Variants in THRAP3 observed in about 807,000 individuals in gnomAD.
The protein encoded by THRAP3 is thyroid hormone receptor associated protein 3.
In THRAP3, 16 loss-of-function variants were observed where a neutral mutation model predicts 101.0. That is an observed-to-expected ratio of 0.16 (90% confidence interval 0.11 to 0.24). The LOEUF is 0.24. Among genes scored for constraint, THRAP3 ranks in the 10% least tolerant of loss-of-function variants. THRAP3 has a pLI of 1.00. For synonymous variants in THRAP3, 407 were observed against 422.6 expected, an observed-to-expected ratio of 0.96 and a Z score of 0.45; for missense variants, 989 against 1,202.7, an observed-to-expected ratio of 0.82 and a Z score of 2.63.
intron 8 of THRAP3, among the ~76,000 whole-genome samples, chr1:36,296,221 GC>G (rs900736320): frequency 6.6e-6 from 1 of 152,026 alleles, no homozygotes; most frequent in Non-Finnish European, 1.5e-5. Context: ...TGATCCGCCT[GC>G]CTCGGCCTCC....
chr1:36,240,287 C>T (rs1358390542), intron 1 of THRAP3, among the ~76,000 whole-genome samples: 1 of 152,158 alleles, frequency 6.6e-6, no homozygotes, highest in African/African-American at 2.4e-5. Flanking sequence ...GCCAACAGTG[C>T]AGCCCTTAGT....
intron 1 of THRAP3, among the ~76,000 whole-genome samples, chr1:36,226,259 A>T (rs965414824): frequency 6.6e-6 from 1 of 152,028 alleles, no homozygotes; most frequent in Non-Finnish European, 1.5e-5. Flanking sequence ...CATACGATTT[A>T]TTATTATTAT....
upstream of THRAP3, among the ~76,000 whole-genome samples, chr1:36,223,448 G>A (rs1644919829): frequency 6.6e-6 from 1 of 152,182 alleles, no homozygotes; most frequent in Admixed American, 6.5e-5. Context: ...GTCGGGGAAG[G>A]CCCCGATACT....
At chr1:36,213,128 G>A in the THRAP3 span, among the ~76,000 whole-genome samples, 1 of 152,180 alleles carries the variant, frequency 6.6e-6, no homozygotes, top group Admixed American at 6.5e-5. Context: ...GGCCTTGGAA[G>A]GTGATGGTGA....
At chr1:36,297,553 A>G (rs1180382830) in intron 9 of THRAP3, among the ~76,000 whole-genome samples, 1 of 151,138 alleles carries the variant, frequency 6.6e-6, no homozygotes, top group African/African-American at 2.4e-5. Flanking sequence ...GGTTCAAGCA[A>G]TTCTCCTGCC....
intron 1 of THRAP3, among the ~76,000 whole-genome samples, chr1:36,225,806 A>G (rs1644955988): frequency 6.6e-6 from 1 of 152,186 alleles, no homozygotes; most frequent in Non-Finnish European, 1.5e-5. Flanking sequence ...CGGGAGATGT[A>G]TTTTGTGAGC....
At position 36,248,796 on chromosome 1, in the gene THRAP3, C is replaced by G. The variant is rs537362381; in HGVS notation, c.-134-10586C>G. 5.7e-4 allele frequency among the ~76,000 whole-genome samples: 87 copies of G among 152,130 alleles called. 1 individual carries two copies. The highest frequency in any genetic ancestry group is 4.2e-3 in the East Asian group (22 of 5,186). The stretch of plus-strand genomic sequence containing the variant: ...TTTATTATCTTGGGGCTCAAACTTA[C>G]CTATTGAGCAAACATGATGAAATCT... On this transcript the variant is annotated intron_variant, in intron 1 of 11. Transcript: ENST00000354618.
At chr1:36,272,065 A>G (rs1432372150) in intron 2 of THRAP3, among the ~76,000 whole-genome samples, 1 of 151,612 alleles carries the variant, frequency 6.6e-6, no homozygotes, top group African/African-American at 2.4e-5. Context: ...TTTTTTGTAG[A>G]GACAGGGTCT....
intron 1 of THRAP3, among the ~76,000 whole-genome samples, chr1:36,250,321 C>G (rs1002252076): frequency 1.3e-5 from 2 of 151,200 alleles, no homozygotes; most frequent in Non-Finnish European, 2.9e-5. Context: ...TCAAGCAATT[C>G]TTCTGCCTCA....
intron 1 of THRAP3, among the ~76,000 whole-genome samples, chr1:36,235,664 A>T (rs893157568): frequency 6.6e-6 from 1 of 152,194 alleles, no homozygotes; most frequent in East Asian, 1.9e-4. Context: ...TGGTAGCAGT[A>T]TAAATTGCTG....
intron 1 of THRAP3, among the ~76,000 whole-genome samples, chr1:36,232,451 A>G (rs1380141453): frequency 6.6e-6 from 1 of 152,134 alleles, no homozygotes; most frequent in Non-Finnish European, 1.5e-5. Flanking sequence ...CTCCTCTTCA[A>G]AAACTGTTGC....
At chr1:36,293,481 G>A (rs1392395118) in intron 7 of THRAP3, among the ~76,000 whole-genome samples, 2 of 152,164 alleles carry the variant, frequency 1.3e-5, no homozygotes, top group Non-Finnish European at 2.9e-5. Context: ...CAGGTTTAAA[G>A]ACTATTACAT....
intron 1 of THRAP3, among the ~76,000 whole-genome samples, chr1:36,228,344 A>C (rs1343002856): frequency 6.6e-6 from 1 of 152,074 alleles, no homozygotes; most frequent in Non-Finnish European, 1.5e-5. Flanking sequence ...CAGCATCCCA[A>C]ATAGCTGGAA....
At chr1:36,240,373 A>G (rs1645141094) in intron 1 of THRAP3, among the ~76,000 whole-genome samples, 1 of 152,208 alleles carries the variant, frequency 6.6e-6, no homozygotes, top group Admixed American at 6.5e-5. Context: ...AAGAACCTGG[A>G]GTCTGATGTC....
At chr1:36,236,598 T>G (rs1486768972) in intron 1 of THRAP3, among the ~76,000 whole-genome samples, 1 of 152,060 alleles carries the variant, frequency 6.6e-6, no homozygotes, top group Non-Finnish European at 1.5e-5. Flanking sequence ...TGCACCAGTC[T>G]ACCTTGCCTC....
intron 2 of THRAP3, among the ~76,000 whole-genome samples, chr1:36,260,571 T>C (rs1295305525): frequency 6.6e-6 from 1 of 151,962 alleles, no homozygotes; most frequent in African/African-American, 2.4e-5. Flanking sequence ...GCCTGTAATC[T>C]CAGCACTTTG....
chr1:36,215,003 T>C, the THRAP3 span, among the ~76,000 whole-genome samples: 1 of 151,550 alleles, frequency 6.6e-6, no homozygotes, highest in African/African-American at 2.4e-5. Context: ...GGGCGGATTA[T>C]GAGGTCATGA....
intron 2 of THRAP3, among the ~76,000 whole-genome samples, chr1:36,274,170 A>G (rs138653940): frequency 6.6e-6 from 1 of 152,284 alleles, no homozygotes; most frequent in African/African-American, 2.4e-5. Flanking sequence ...AATTGTTAAC[A>G]AGTGAAAATC....
chr1:36,211,831 G>A, the THRAP3 span, among the ~76,000 whole-genome samples: 15 of 152,122 alleles, frequency 9.9e-5, no homozygotes, highest in African/African-American at 3.1e-4. Context: ...TCTTCCATAG[G>A]TGGCCCTTCA....
Sources: allele counts gnomAD v4.1 joint callset (sites outside exome capture counted in the v4.1 genomes callset), GRCh38; gene constraint gnomAD v4.1.1; transcripts MANE v1.5; gene names NCBI Gene and HGNC (gene_info 2026-07-23, HGNC 2026-07-21).